Variants in HGS observed in about 807,000 individuals in gnomAD.
HGS encodes human growth factor-regulated tyrosine kinase substrate.
In HGS, 63 loss-of-function variants were observed where a neutral mutation model predicts 109.7. That is an observed-to-expected ratio of 0.57 (90% CI 0.47 to 0.71). HGS has a LOEUF of 0.71. Among genes scored for constraint, HGS ranks in the 30% least tolerant of loss-of-function variants. HGS has a pLI of 0.00. For missense variants in HGS, 995 were observed against 1,068.3 expected, an observed-to-expected ratio of 0.93 and a Z score of 0.96; for synonymous variants, 546 against 437.3, an observed-to-expected ratio of 1.25 and a Z score of -3.10.
chr17:81,700,262 G>T (rs1258243803), intron 18 of HGS, among the ~76,000 whole-genome samples: 1 of 151,646 alleles, frequency 6.6e-6, no homozygotes, highest in African/African-American at 2.4e-5. Context: ...CCAGCTACTC[G>T]GGAGGCTGAG....
Position 81,686,293 on chromosome 17 carries a change from A to G in HGS, c.123-19A>G, listed in dbSNP as rs1244525109. On this transcript the variant is annotated intron_variant, in intron 2 of 21. Transcript: ENST00000329138. Reference sequence around the variant, plus strand: ...TTTTTTCCCGTTTTTCTCTGCTTTTATCAATGTTTCCTTTTCAGAGCAAAA... The same window carrying G: ...TTTTTTCCCGTTTTTCTCTGCTTTTGTCAATGTTTCCTTTTCAGAGCAAAA... 3 of 1,606,050 alleles carry G rather than the reference A, an allele frequency of 1.9e-6. No individual in the cohort carries two copies. In the South Asian group the frequency reaches 3.3e-5, roughly 18 times the overall value.
Position 81,691,082 on chromosome 17 carries a change from C to G in HGS, c.537+340C>G. ...ATCTGGATTCTTACCCTCGAGGCAT[C>G]TTCACATCAAAACCCCCTCCAGGCT... On this transcript the variant is annotated intron_variant, in intron 7 of 21. Transcript: ENST00000329138. This position sits in a 1 kb window ranked among gnomAD's most constrained non-coding sequence, Gnocchi z 5.3. 1 of 449,336 alleles carries G rather than the reference C, an allele frequency of 2.2e-6. No homozygotes were observed. The highest frequency in any genetic ancestry group is 2.9e-5 in the South Asian group (1 of 34,412). 27.8% of individuals were successfully genotyped at this position (449,336 alleles called of 1,614,324 possible).
intron 6 of HGS, chr17:81,690,448 C>T: frequency 3.2e-6 from 2 of 634,434 alleles, no homozygotes; most frequent in East Asian, 5.6e-5. Context: ...GGCTAGGGGG[C>T]TCGGGAAAGG....
rs753695876 is a variant in HGS at position 81,694,819 on chromosome 17, C to G, written c.941C>G (p.Ser314Trp). 6.2e-7 allele frequency: 1 copy of G among 1,614,140 alleles called. No homozygotes were observed. The highest frequency in any genetic ancestry group is 8.5e-7 in the Non-Finnish European group (1 of 1,180,042). ...CAGATGCCCTTTTCTCCCCAGAACTCGTCGGCGCCTCTGGCTGAGGACATC... is the reference window on the plus strand; with the variant it reads ...CAGATGCCCTTTTCTCCCCAGAACTGGTCGGCGCCTCTGGCTGAGGACATC... ...ASSLYSSPVN[S>W]SAPLAEDIDP... The change falls in exon 12 of 22, where the codon TCG (serine) becomes TGG (tryptophan). Residue 314 changes from serine to tryptophan, a missense_variant. By Grantham distance (177) the Ser-to-Trp change is radical. Transcript: ENST00000329138.
intron 18 of HGS, 179 bp downstream of exon 18, chr17:81,697,177 CGT>C: frequency 1.4e-6 from 1 of 694,374 alleles, no homozygotes; most frequent in East Asian, 2.8e-5. Flanking sequence ...CTGCTGGAGC[CGT>C]GTTTCAGTCC....
At chr17:81,697,186 G>T (rs1598749712) in intron 18 of HGS, 188 bp downstream of exon 18, 1 of 654,976 alleles carries the variant, frequency 1.5e-6, no homozygotes. Flanking sequence ...CCGTGTTTCA[G>T]TCCGTGCGTG....
intron 18 of HGS, 159 bp downstream of exon 18, chr17:81,697,157 A>C (rs938260618): frequency 3.0e-5 from 23 of 774,302 alleles, no homozygotes; most frequent in Non-Finnish European, 3.7e-5. Flanking sequence ...ACGCACTCAC[A>C]CAGGCTTTCC....
chr17:81,685,308 G>A (rs1051980903), intron 1 of HGS, among the ~76,000 whole-genome samples: 2 of 152,212 alleles, frequency 1.3e-5, no homozygotes, highest in Non-Finnish European at 2.9e-5. Context: ...TCTCTGGTGA[G>A]CTGTGTGACT....
At chr17:81,694,384 C>T (rs1396870540) in intron 11 of HGS, among the ~76,000 whole-genome samples, 2 of 152,230 alleles carry the variant, frequency 1.3e-5, no homozygotes, top group Non-Finnish European at 2.9e-5. Flanking sequence ...TTGAGAAAGT[C>T]ATTTTGTAGG....
At position 81,691,438 on chromosome 17, in the gene HGS, A is replaced by G. The variant is rs760017392; in HGVS notation, c.538-9A>G. The G allele has an allele frequency of 1.9e-6, 3 of 1,613,696 alleles. No individual in the cohort carries two copies. The highest frequency in any genetic ancestry group is 2.2e-5 in the South Asian group (2 of 91,084). ...GCCTGTGACCAGGCCCGCCCGCCCC[A>G]TCTTACAGCACCACTGCCGGGCGTG... On this transcript the variant is annotated splice_polypyrimidine_tract_variant and intron_variant, in intron 7 of 21. Transcript: ENST00000329138. This position sits in a 1 kb window ranked among gnomAD's most constrained non-coding sequence, Gnocchi z 5.3.
At chr17:81,687,255 GGA>G (rs1244008015) in intron 4 of HGS, among the ~76,000 whole-genome samples, 160 bp downstream of exon 4, 3 of 152,214 alleles carry the variant, frequency 2.0e-5, no homozygotes, top group Non-Finnish European at 4.4e-5. Context: ...CTCATGAGTC[GGA>G]GAGACAGGGC....
Position 81,685,606 on chromosome 17 carries a change from C to A in HGS, c.39C>A (p.Asp13Glu). 6.2e-7 allele frequency: 1 copy of A among 1,608,154 alleles called. No individual in the cohort carries two copies. Among genetic ancestry groups the A allele is most frequent in the Non-Finnish European group, 8.5e-7 (1 of 1,177,084 alleles). ...RGSGTFERLL[D>E]KATSQLLLET... ...CTTTCATGGCATTTTCTCTCTCAGA[C>A]AAGGCGACCAGCCAGCTCCTGTTGG... The change falls in exon 2 of 22, where the codon GAC (aspartate) becomes GAA (glutamate). Residue 13 changes from aspartate to glutamate, a missense_variant and splice_region_variant. Transcript: ENST00000329138.
chr17:81,684,798 C>T, intron 1 of HGS: 1 of 636,262 alleles, frequency 1.6e-6, no homozygotes, highest in Non-Finnish European at 2.0e-6. Context: ...CCAAGCTTGC[C>T]TTTTTGTCAA....
chr17:81,697,140 C>A, intron 18 of HGS, 142 bp downstream of exon 18: 1 of 911,218 alleles, frequency 1.1e-6, no homozygotes, highest in Non-Finnish European at 1.6e-6. Context: ...TTCCTGTTTC[C>A]ATGCAAACGC....
chr17:81,685,769 C>G (rs1290092396), intron 2 of HGS, 80 bp downstream of exon 2: 5 of 1,051,488 alleles, frequency 4.8e-6, no homozygotes, highest in Non-Finnish European at 7.2e-6. Flanking sequence ...CGTTGGGTCT[C>G]CACGACGTAG....
rs1236720213 is a variant in HGS, at chr17:81,693,950, G to A, written c.921G>A (p.Leu307=). 8 of 1,610,668 alleles carry A rather than the reference G, an allele frequency of 5.0e-6. No individual in the cohort carries two copies. In the Admixed American group the frequency reaches 8.4e-5, roughly 17 times the overall value. Residue 307 remains leucine, a synonymous_variant, in exon 11 of 22, where the codon CTG becomes CTA. Transcript: ENST00000329138. ...SASSAPPASS[L]YSSPVNSSAP... ...CCTCAGCGCCCCCCGCCAGCAGCCT[G>A]TACTCTTCACCTGTGGTGAGCGGCC...
chr17:81,693,852 C>A lies in HGS; in HGVS notation c.841-18C>A, dbSNP rs774686599. ...CGTCACGTGCACCCAAGTGACGCCC[C>A]TTCTGATTCTGCCTCAGAGACAGAA... On this transcript the variant is annotated intron_variant, in intron 10 of 21. Coordinates refer to ENST00000329138, the MANE Select transcript of HGS (RefSeq NM_004712.5). The A allele has an allele frequency of 5.0e-6, 8 of 1,593,358 alleles. No individual in the cohort carries two copies. In the African/African-American group the frequency reaches 9.4e-5, roughly 19 times the overall value.
rs996764869 is a variant in HGS at position 81,694,970 on chromosome 17, A to G, written c.1022A>G (p.Glu341Gly). ...NRNYWEKKQE[E>G]ARKSPTPSAP... The stretch of plus-strand genomic sequence containing the variant: ...AACTACTGGGAGAAGAAGCAGGAGG[A>G]GGCTCGCAAGAGCCCCACGCCATCT... Residue 341 changes from glutamate to glycine, a missense_variant, in exon 13 of 22, where the codon GAG becomes GGG. Transcript: ENST00000329138. The G allele has an allele frequency of 6.2e-7, 1 of 1,614,132 alleles. No homozygotes were observed. Among genetic ancestry groups the G allele is most frequent in the East Asian group, 2.2e-5 (1 of 44,870 alleles).
At chr17:81,693,364 C>G (rs1289284069) in intron 8 of HGS, 139 bp from the exon 9 acceptor site, 1 of 682,348 alleles carries the variant, frequency 1.5e-6, no homozygotes, top group Non-Finnish European at 2.7e-6. Flanking sequence ...TGTGGCCATT[C>G]GGACACCTGT....
Sources: allele counts gnomAD v4.1 joint callset (sites outside exome capture counted in the v4.1 genomes callset), GRCh38; gene constraint gnomAD v4.1.1; non-coding constraint Gnocchi (gnomAD v3.1); transcripts MANE v1.5; gene names NCBI Gene and HGNC (gene_info 2026-07-23, HGNC 2026-07-21).